The following SYNDIG1 variants were observed in gnomAD, a reference collection of about 807,000 sequenced individuals.
SYNDIG1 encodes synapse differentiation-inducing gene protein 1.
SYNDIG1 carries 9 observed loss-of-function variants against 19.4 expected under a neutral mutation model. The ratio of observed to expected loss-of-function variants is 0.46; its 90% CI spans 0.28 to 0.81. The LOEUF (loss-of-function observed/expected upper bound fraction) is 0.81. Ranked by LOEUF, SYNDIG1 falls within the 30% of genes least tolerant of loss-of-function variation. The pLI, the probability that SYNDIG1 is intolerant of heterozygous loss-of-function variation, is 0.12. For synonymous variants in SYNDIG1, 141 were observed against 145.9 expected, an observed-to-expected ratio of 0.97 and a Z score of 0.24; for missense variants, 311 against 343.3, an observed-to-expected ratio of 0.91 and a Z score of 0.74.
intron 1 of SYNDIG1, among the ~76,000 whole-genome samples, 199 bp downstream of exon 1, chr20:24,469,952 G>A (rs1289405352): frequency 6.6e-6 from 1 of 151,682 alleles, no homozygotes; most frequent in Non-Finnish European, 1.5e-5. Context: ...GCCGCGACGA[G>A]ACTTGGGAGA....
chr20:24,652,177 T>C (rs1482923742), intron 3 of SYNDIG1, among the ~76,000 whole-genome samples: 1 of 152,194 alleles, frequency 6.6e-6, no homozygotes, highest in African/African-American at 2.4e-5. Flanking sequence ...GCACTCGGGT[T>C]GCATCCAGGA....
intron 2 of SYNDIG1, among the ~76,000 whole-genome samples, chr20:24,552,091 A>G (rs1264222018): frequency 1.3e-5 from 2 of 152,058 alleles, no homozygotes; most frequent in African/African-American, 2.4e-5. Flanking sequence ...GGAATTGTCT[A>G]TTTCTTTCTT....
intron 1 of SYNDIG1, among the ~76,000 whole-genome samples, chr20:24,483,634 G>A (rs991249334): frequency 5.3e-5 from 8 of 152,242 alleles, no homozygotes; most frequent in African/African-American, 7.2e-5. Flanking sequence ...CTGAGCACGC[G>A]TGTGCACGCA....
chr20:24,517,561 G>A (rs112356803), intron 1 of SYNDIG1, among the ~76,000 whole-genome samples: 12 of 147,510 alleles, frequency 8.1e-5, no homozygotes, highest in African/African-American at 3.0e-4. Flanking sequence ...GGAGCTTGCA[G>A]TGAGCCGAGA....
chr20:24,653,172 AAG>A (rs150172712), intron 3 of SYNDIG1, among the ~76,000 whole-genome samples: 2,912 of 152,320 alleles, frequency 0.019, 119 homozygotes, highest in African/African-American at 0.066. Flanking sequence ...CATGAAGGAA[AAG>A]AGAATGGACG....
intron 3 of SYNDIG1, among the ~76,000 whole-genome samples, chr20:24,650,351 G>A (rs1412671463): frequency 6.6e-6 from 1 of 152,236 alleles, no homozygotes; most frequent in Non-Finnish European, 1.5e-5. Flanking sequence ...AGCTGCGCTA[G>A]AAATAAATGG....
chr20:24,558,292 A>C (rs1285135361), intron 2 of SYNDIG1, among the ~76,000 whole-genome samples: 3 of 152,192 alleles, frequency 2.0e-5, no homozygotes, highest in Non-Finnish European at 4.4e-5. Context: ...CTATTGGTTC[A>C]GTTTCATGTC....
At chr20:24,592,809 C>CT (rs1267462448) in intron 3 of SYNDIG1, among the ~76,000 whole-genome samples, 1 of 152,102 alleles carries the variant, frequency 6.6e-6, no homozygotes, top group African/African-American at 2.4e-5. Flanking sequence ...ATGGGGATCT[C>CT]TCTTTGTTTT....
chr20:24,540,218 A>G (rs996175099), intron 1 of SYNDIG1, among the ~76,000 whole-genome samples: 1 of 152,206 alleles, frequency 6.6e-6, no homozygotes, highest in African/African-American at 2.4e-5. Flanking sequence ...CATTGTTGGT[A>G]TATAGAAATG....
At chr20:24,624,156 G>A (rs1018983324) in intron 3 of SYNDIG1, among the ~76,000 whole-genome samples, 2 of 151,520 alleles carry the variant, frequency 1.3e-5, no homozygotes, top group African/African-American at 4.9e-5. Flanking sequence ...CAGCTACTTG[G>A]GAGGCAGAAG....
intron 1 of SYNDIG1, among the ~76,000 whole-genome samples, chr20:24,528,561 G>A (rs117030133): frequency 0.021 from 3,200 of 152,234 alleles, 43 homozygotes; most frequent in Middle Eastern, 0.041. Context: ...CTCTGGAGGG[G>A]ATGAACACTG....
chr20:24,509,137 C>A (rs1165306220), intron 1 of SYNDIG1, among the ~76,000 whole-genome samples: 1 of 152,248 alleles, frequency 6.6e-6, no homozygotes, highest in Non-Finnish European at 1.5e-5. Context: ...TGTGAGTTTA[C>A]AACCTGATGG....
intron 1 of SYNDIG1, among the ~76,000 whole-genome samples, chr20:24,470,980 G>A (rs1008470166): frequency 2.0e-5 from 3 of 151,870 alleles, no homozygotes; most frequent in Non-Finnish European, 4.4e-5. Flanking sequence ...GGGGAGGGGG[G>A]CTGGGCGTTA....
intron 3 of SYNDIG1, among the ~76,000 whole-genome samples, chr20:24,600,931 C>G (rs964436604): frequency 6.6e-6 from 1 of 151,952 alleles, no homozygotes; most frequent in South Asian, 2.1e-4. Context: ...TTCATCTTTC[C>G]TTACTGCACT....
chr20:24,585,548 A>G (rs1051565942), intron 3 of SYNDIG1, among the ~76,000 whole-genome samples: 3 of 152,192 alleles, frequency 2.0e-5, no homozygotes, highest in African/African-American at 7.2e-5. Flanking sequence ...TCCCCAGCAT[A>G]AGGCTTCTAA....
chr20:24,553,662 C>G (rs368128897), intron 2 of SYNDIG1, among the ~76,000 whole-genome samples: 1 of 152,068 alleles, frequency 6.6e-6, no homozygotes, highest in Non-Finnish European at 1.5e-5. Context: ...CTGTTCCATT[C>G]ATCTATATCT....
intron 3 of SYNDIG1, among the ~76,000 whole-genome samples, chr20:24,591,687 G>A (rs1036440012): frequency 6.6e-6 from 1 of 152,112 alleles, no homozygotes; most frequent in South Asian, 2.1e-4. Flanking sequence ...CAAGCACCTC[G>A]CACATAGTTG....
At chr20:24,525,951 A>C (rs1264058467) in intron 1 of SYNDIG1, among the ~76,000 whole-genome samples, 4 of 152,034 alleles carry the variant, frequency 2.6e-5, no homozygotes, top group African/African-American at 9.7e-5. Flanking sequence ...GGTTAATTGG[A>C]TCTCTCTCTG....
chr20:24,493,262 A>G (rs560575994), intron 1 of SYNDIG1, among the ~76,000 whole-genome samples: 2 of 152,254 alleles, frequency 1.3e-5, no homozygotes, highest in Non-Finnish European at 2.9e-5. Context: ...GGTTTCCTTT[A>G]TTGGCATGAA....
Sources: gnomAD v4.1 joint callset for allele counts (sites outside exome capture counted in the v4.1 genomes callset) on GRCh38, gnomAD v4.1.1 for gene constraint, MANE v1.5 for transcripts, NCBI Gene and HGNC (gene_info 2026-07-23, HGNC 2026-07-21) for gene names.